EIF4G3: variants seen among roughly 807,000 people sequenced by gnomAD.
The protein encoded by EIF4G3 is eIF-4-gamma 3.
Under a neutral mutation model 186.4 loss-of-function variants are expected in EIF4G3, and 34 were observed. That is an observed-to-expected ratio of 0.18 (90% CI 0.14 to 0.24). The LOEUF is 0.24. Ranked by LOEUF, EIF4G3 falls within the 10% of genes least tolerant of loss-of-function variation. The probability of loss-of-function intolerance (pLI) is 1.00; values close to 1 mark genes in which losing one functional copy is unlikely to be tolerated. For synonymous variants in EIF4G3, 673 were observed against 679.5 expected (o/e 0.99, Z 0.15); for missense variants, 1,536 against 1,948.5 (o/e 0.79, Z 3.99).
chr1:20,915,755 A>G (rs1207713457), intron 14 of EIF4G3, among the ~76,000 whole-genome samples: 1 of 152,244 alleles, frequency 6.6e-6, no homozygotes, highest in Non-Finnish European at 1.5e-5. Context: ...GACAGTTAAC[A>G]TCATACTTAA....
intron 19 of EIF4G3, among the ~76,000 whole-genome samples, chr1:20,880,800 G>A (rs942714624): frequency 1.3e-5 from 2 of 151,974 alleles, no homozygotes; most frequent in South Asian, 4.1e-4. Context: ...CACTGATGAA[G>A]GAAATCAAAG....
At chr1:20,964,745 C>T (rs901901562) in intron 12 of EIF4G3, among the ~76,000 whole-genome samples, 3 of 152,084 alleles carry the variant, frequency 2.0e-5, no homozygotes, top group Non-Finnish European at 4.4e-5. Context: ...TGAAAGAGGC[C>T]GTTTGTTCCT....
chr1:21,038,736 G>C (rs902876344), intron 4 of EIF4G3, among the ~76,000 whole-genome samples: 1 of 152,110 alleles, frequency 6.6e-6, no homozygotes, highest in Non-Finnish European at 1.5e-5. Context: ...TCATTAACTA[G>C]AACATTCCCA....
intron 3 of EIF4G3, among the ~76,000 whole-genome samples, chr1:21,051,335 T>C (rs542611961): frequency 6.6e-5 from 10 of 152,044 alleles, no homozygotes; most frequent in South Asian, 2.1e-4. Context: ...AAATAAATGG[T>C]TGAAAGAGGA....
chr1:21,005,792 A>C lies in EIF4G3; in HGVS notation c.-66-2984T>G, dbSNP rs367563983. ...AGATTATATCATTGCTCTGAAAGTGATTACTAAAAAAAACAAAGAATTATT... is the reference window on the plus strand; with the variant it reads ...AGATTATATCATTGCTCTGAAAGTGCTTACTAAAAAAAACAAAGAATTATT... On this transcript the variant is annotated intron_variant, in intron 4 of 36. Transcript: ENST00000602326. Among the ~76,000 whole-genome samples the C allele has an allele frequency of 4.5e-4, 68 of 152,288 alleles. No homozygotes were observed. The South Asian group carries it at 0.014, about 31-fold the overall frequency.
At chr1:21,037,710 C>T (rs1287223168) in intron 4 of EIF4G3, among the ~76,000 whole-genome samples, 2 of 152,174 alleles carry the variant, frequency 1.3e-5, no homozygotes, top group Non-Finnish European at 2.9e-5. Context: ...TTAAGACTAG[C>T]CCAATTCACT....
At chr1:21,018,034 G>A (rs1245925157) in intron 4 of EIF4G3, among the ~76,000 whole-genome samples, 1 of 151,792 alleles carries the variant, frequency 6.6e-6, no homozygotes, top group African/African-American at 2.4e-5. Context: ...GATCTCCCAG[G>A]CTCAAGCGAT....
chr1:21,070,454 T>C (rs2095409452), intron 3 of EIF4G3, among the ~76,000 whole-genome samples: 1 of 152,184 alleles, frequency 6.6e-6, no homozygotes, highest in Non-Finnish European at 1.5e-5. Context: ...AAATATTCAA[T>C]GACATGTTTT....
chr1:21,026,167 G>GAA (rs1424708503), intron 4 of EIF4G3, among the ~76,000 whole-genome samples: 12 of 152,144 alleles, frequency 7.9e-5, no homozygotes, highest in Non-Finnish European at 1.6e-4. Context: ...CTGCAAAAAT[G>GAA]AAAAGTGCAG....
chr1:20,999,432 C>T (rs529537787), intron 6 of EIF4G3: 203 of 314,198 alleles, frequency 6.5e-4, no homozygotes, highest in Non-Finnish European at 1.2e-3. Flanking sequence ...CTTTATGACA[C>T]TTTTGAAGAA....
intron 18 of EIF4G3, among the ~76,000 whole-genome samples, chr1:20,888,875 T>G (rs975302996): frequency 6.6e-6 from 1 of 152,152 alleles, no homozygotes; most frequent in Non-Finnish European, 1.5e-5. Context: ...TAGCAACATA[T>G]GATGAATGAT....
At chr1:21,069,148 C>G (rs1454902328) in intron 3 of EIF4G3, among the ~76,000 whole-genome samples, 1 of 152,160 alleles carries the variant, frequency 6.6e-6, no homozygotes, top group Non-Finnish European at 1.5e-5. Flanking sequence ...AAGGCTTTAA[C>G]TGATGTATGT....
chr1:20,977,681 T>C (rs1315541272), intron 10 of EIF4G3, among the ~76,000 whole-genome samples: 1 of 152,138 alleles, frequency 6.6e-6, no homozygotes, highest in Admixed American at 6.5e-5. Flanking sequence ...CAGACATCAA[T>C]AATATCTGAG....
At chr1:20,889,816 A>C (rs1237262618) in intron 18 of EIF4G3, among the ~76,000 whole-genome samples, 1 of 152,178 alleles carries the variant, frequency 6.6e-6, no homozygotes, top group Non-Finnish European at 1.5e-5. Context: ...AAATAACTAA[A>C]GACATGATAT....
rs557990213 is a variant in EIF4G3 at position 20,990,457 on chromosome 1, G to A, written c.177+7144C>T. 4.6e-5 allele frequency among the ~76,000 whole-genome samples: 7 copies of A among 152,168 alleles called. No individual in the cohort carries two copies. In the South Asian group the frequency reaches 1.0e-3, roughly 23 times the overall value. On this transcript the variant is annotated intron_variant, in intron 7 of 36. Transcript: ENST00000602326. Reference sequence around the variant, plus strand: ...TAGGAGGCTGAGGTGGGCGGATCACGAGGTCAGGAGTTCAAGACCAGCCTG... The same window carrying A: ...TAGGAGGCTGAGGTGGGCGGATCACAAGGTCAGGAGTTCAAGACCAGCCTG...
intron 18 of EIF4G3, among the ~76,000 whole-genome samples, chr1:20,887,425 A>T (rs1205739067): frequency 6.6e-6 from 1 of 152,188 alleles, no homozygotes; most frequent in Admixed American, 6.5e-5. Flanking sequence ...TTTCTAGGCG[A>T]TAACACAGTC....
intron 13 of EIF4G3, among the ~76,000 whole-genome samples, chr1:20,943,549 A>C (rs1026487119): frequency 2.0e-5 from 3 of 152,254 alleles, no homozygotes; most frequent in African/African-American, 7.2e-5. Context: ...TTAGCACAAT[A>C]AACAGGCTCC....
intron 4 of EIF4G3, among the ~76,000 whole-genome samples, chr1:21,013,333 C>A (rs1015951031): frequency 1.7e-4 from 26 of 152,074 alleles, no homozygotes; most frequent in African/African-American, 6.0e-4. Context: ...TGTAAGGCAG[C>A]CACAGAAAAA....
chr1:21,156,577 A>T (rs2097664932), intron 2 of EIF4G3, among the ~76,000 whole-genome samples: 1 of 152,190 alleles, frequency 6.6e-6, no homozygotes, highest in Admixed American at 6.5e-5. Flanking sequence ...GTATAAAATT[A>T]AATCCTACAT....
Sources: gnomAD v4.1 joint callset for allele counts (sites outside exome capture counted in the v4.1 genomes callset) on GRCh38, gnomAD v4.1.1 for gene constraint, MANE v1.5 for transcripts, NCBI Gene and HGNC (gene_info 2026-07-23, HGNC 2026-07-21) for gene names.